Variants in TYW1B observed in about 807,000 individuals in gnomAD.
The protein encoded by TYW1B is S-adenosyl-L-methionine-dependent tRNA 4-demethylwyosine synthase TYW1B.
Under a neutral mutation model 86.9 loss-of-function variants are expected in TYW1B, and 73 were observed. That is an observed-to-expected ratio of 0.84 (90% CI 0.70 to 1.02). The LOEUF (loss-of-function observed/expected upper bound fraction) is 1.02. TYW1B is among the 50% of genes least tolerant of loss of function. TYW1B has a pLI of 0.00. For synonymous variants in TYW1B, 248 were observed against 292.8 expected, an observed-to-expected ratio of 0.85 and a Z score of 1.56; for missense variants, 637 against 827.4, an observed-to-expected ratio of 0.77 and a Z score of 2.82.
intron 13 of TYW1B, among the ~76,000 whole-genome samples, chr7:72,577,323 G>GA (rs1422667461): frequency 6.6e-6 from 1 of 152,128 alleles, no homozygotes; most frequent in Non-Finnish European, 1.5e-5. Flanking sequence ...TGAATATGCG[G>GA]AAAAGTTTAA....
intron 10 of TYW1B, among the ~76,000 whole-genome samples, chr7:72,709,609 A>G (rs1554454318): frequency 6.6e-6 from 1 of 152,162 alleles, no homozygotes. Flanking sequence ...CGGAGCTTGT[A>G]GTGAGCCGAG....
chr7:72,586,315 A>G (rs781975370), intron 13 of TYW1B, among the ~76,000 whole-genome samples: 2,836 of 122,788 alleles, frequency 0.023, no homozygotes, highest in African/African-American at 0.035. Flanking sequence ...ATTTTACTGC[A>G]GCTCAGTCAC....
Position 72,716,731 on chromosome 7 carries a change from C to T in TYW1B, c.1193-2933G>A, listed in dbSNP as rs140452784. On this transcript the variant is annotated intron_variant, in intron 9 of 13. Coordinates refer to ENST00000620995, the MANE Select transcript of TYW1B (RefSeq NM_001145440.3). The stretch of plus-strand genomic sequence containing the variant: ...TCAGCTCACTGCAACCTCCGCCTCC[C>T]GGGTTCAAGCAATTCTCCTGCCTCA... Among the ~76,000 whole-genome samples the T allele has an allele frequency of 9.1e-3, 1,376 of 151,674 alleles. 74 individuals are homozygous for T. In the South Asian group the frequency reaches 0.11, roughly 12 times the overall value.
intron 6 of TYW1B, among the ~76,000 whole-genome samples, chr7:72,785,819 A>T (rs749893787): frequency 1.3e-5 from 2 of 152,166 alleles, no homozygotes; most frequent in African/African-American, 2.4e-5. Flanking sequence ...CCCCAAAGAA[A>T]ATGCCAGAAA....
chr7:72,790,612 CCTG>C (rs782187272), intron 6 of TYW1B, among the ~76,000 whole-genome samples: 2 of 152,206 alleles, frequency 1.3e-5, no homozygotes, highest in Non-Finnish European at 2.9e-5. Flanking sequence ...ATGATGTCAA[CCTG>C]CTGCCTTGGC....
At chr7:72,576,389 C>A (rs1214948216) in intron 13 of TYW1B, among the ~76,000 whole-genome samples, 1 of 152,092 alleles carries the variant, frequency 6.6e-6, no homozygotes, top group African/African-American at 2.4e-5. Context: ...GAAGGAAATA[C>A]TAATTGAACT....
chr7:72,811,561 A>G (rs1455098340), intron 3 of TYW1B, among the ~76,000 whole-genome samples: 1 of 151,980 alleles, frequency 6.6e-6, no homozygotes, highest in East Asian at 1.9e-4. Context: ...TAGGGGAACC[A>G]TGTTCTCGGT....
chr7:72,788,730 G>A (rs1183198103), intron 6 of TYW1B, among the ~76,000 whole-genome samples: 1 of 152,004 alleles, frequency 6.6e-6, no homozygotes, highest in Admixed American at 6.6e-5. Flanking sequence ...ACGGGGTTTC[G>A]CCATGTTGGC....
At position 72,740,480 on chromosome 7, in the gene TYW1B, T is replaced by C. The variant is rs1250416673; in HGVS notation, c.1082+4004A>G. On this transcript the variant is annotated intron_variant, in intron 8 of 13. Coordinates refer to ENST00000620995, the MANE Select transcript of TYW1B (RefSeq NM_001145440.3). ...GACTGGGAGAAGCTTTTTTTTTTTTTTTTTTCTCCAATTTTTTTCCTTTGG... is the reference window on the plus strand; with the variant it reads ...GACTGGGAGAAGCTTTTTTTTTTTTCTTTTTCTCCAATTTTTTTCCTTTGG... 2.7e-5 allele frequency among the ~76,000 whole-genome samples: 4 copies of C among 150,716 alleles called. No homozygotes were observed. In the East Asian group the frequency reaches 7.7e-4, roughly 29 times the overall value.
chr7:72,660,070 G>A (rs1585883149), intron 11 of TYW1B, among the ~76,000 whole-genome samples: 1 of 152,110 alleles, frequency 6.6e-6, no homozygotes, highest in African/African-American at 2.4e-5. Flanking sequence ...CAGACAATAT[G>A]TAAACAAGAA....
chr7:72,807,070 G>C lies in TYW1B; in HGVS notation c.719C>G (p.Thr240Ser), dbSNP rs782195388. 3 of 1,613,620 alleles carry C rather than the reference G, an allele frequency of 1.9e-6. No homozygotes were observed. In the South Asian group the frequency reaches 3.3e-5, roughly 18 times the overall value. Residue 240 changes from threonine to serine, a missense_variant, in exon 5 of 14, where the codon ACC becomes AGC. Transcript: ENST00000620995. ...ATGAACACACAGGCGGTATACCTTG[G>C]TGTCTCTGTGATGCAATTCGTCCTG... is the stretch of plus-strand genomic sequence containing the variant. Reference protein sequence around the residue: ...QEQDELHHRDTKEEEPFESSS... With the variant: ...QEQDELHHRDSKEEEPFESSS...
At chr7:72,806,155 G>A (rs192214462) in intron 5 of TYW1B, among the ~76,000 whole-genome samples, 84 of 151,994 alleles carry the variant, frequency 5.5e-4, no homozygotes, top group African/African-American at 1.2e-3. Flanking sequence ...GCTCCGTTTC[G>A]CAACTTGCAA....
intron 4 of TYW1B, among the ~76,000 whole-genome samples, chr7:72,809,035 T>G (rs749331250): frequency 7.1e-6 from 1 of 140,022 alleles, no homozygotes; most frequent in Non-Finnish European, 1.5e-5. Context: ...CCTTGAAAAA[T>G]TCATGATTTT....
At chr7:72,627,134 T>C (rs184325630) in intron 12 of TYW1B, among the ~76,000 whole-genome samples, 2 of 152,070 alleles carry the variant, frequency 1.3e-5, no homozygotes, top group East Asian at 1.9e-4. Context: ...CTGCTTACCA[T>C]TTACGTATCA....
chr7:72,641,467 T>C (rs1812798039), intron 11 of TYW1B, among the ~76,000 whole-genome samples: 1 of 152,146 alleles, frequency 6.6e-6, no homozygotes, highest in Non-Finnish European at 1.5e-5. Flanking sequence ...ATGTAGAAAT[T>C]CTCAGCAGAA....
intron 11 of TYW1B, among the ~76,000 whole-genome samples, chr7:72,666,359 G>A (rs1265782307): frequency 2.6e-5 from 4 of 152,146 alleles, no homozygotes; most frequent in African/African-American, 9.7e-5. Flanking sequence ...CCAGGAGGCG[G>A]AGGCTGCAGT....
chr7:72,767,558 T>C (rs1320718706), intron 7 of TYW1B, among the ~76,000 whole-genome samples: 5 of 151,868 alleles, frequency 3.3e-5, no homozygotes, highest in Non-Finnish European at 7.4e-5. Context: ...TGCAGTAAGC[T>C]GAGATCACAC....
At chr7:72,799,976 C>T (rs1554475330) in intron 6 of TYW1B, among the ~76,000 whole-genome samples, 1 of 151,580 alleles carries the variant, frequency 6.6e-6, no homozygotes, top group African/African-American at 2.4e-5. Flanking sequence ...TACAATAATC[C>T]ATCTGATTCT....
intron 10 of TYW1B, among the ~76,000 whole-genome samples, chr7:72,705,176 A>C (rs1814583296): frequency 6.6e-6 from 1 of 152,216 alleles, no homozygotes; most frequent in South Asian, 2.1e-4. Context: ...TTCTGGAACC[A>C]TTCTGAGCTA....
Sources: gnomAD v4.1 joint callset for allele counts (sites outside exome capture counted in the v4.1 genomes callset) on GRCh38, gnomAD v4.1.1 for gene constraint, MANE v1.5 for transcripts, NCBI Gene and HGNC (gene_info 2026-07-23, HGNC 2026-07-21) for gene names.